TAB2: variants seen among roughly 807,000 people sequenced by gnomAD.
TAB2 encodes the protein TGF-beta activated kinase 1 (MAP3K7) binding protein 2.
A neutral mutation model predicts 65.0 loss-of-function variants in TAB2; 3 were observed. That is an observed-to-expected ratio of 0.05 (90% CI 0.02 to 0.12). TAB2 has a LOEUF of 0.12. Among genes scored for constraint, TAB2 ranks in the 10% least tolerant of loss-of-function variants. TAB2 has a pLI of 1.00. For synonymous variants in TAB2, 298 were observed against 285.1 expected, an observed-to-expected ratio of 1.05 and a Z score of -0.46; for missense variants, 623 against 840.3, an observed-to-expected ratio of 0.74 and a Z score of 3.20.
chr6:149,378,306 G>C lies in TAB2; in HGVS notation c.391G>C (p.Ala131Pro). ...TCAGCAGGAGCCACAGACAGCACCA[G>C]CTCAAGTTCCTCAAGGCTTTAATGT... ...LFQQEPQTAP[A>P]QVPQGFNVFG... The change falls in exon 3 of 7, where the codon GCT (alanine) becomes CCT (proline). Residue 131 changes from alanine (A) to proline (P), a missense_variant. Transcript: ENST00000637181. 1.2e-6 allele frequency: 2 copies of C among 1,614,214 alleles called. No homozygotes were observed. Among genetic ancestry groups the C allele is most frequent in the Non-Finnish European group, 1.7e-6 (2 of 1,180,040 alleles).
chr6:149,379,635 A>G, intron 3 of TAB2, 117 bp downstream of exon 3: 2 of 930,988 alleles, frequency 2.1e-6, no homozygotes, highest in East Asian at 2.5e-5. Context: ...TATTGCCCCA[A>G]ATGATGTTAT....
At chr6:149,253,529 A>C (rs1326901158) in intron 1 of TAB2, among the ~76,000 whole-genome samples, 9 of 151,434 alleles carry the variant, frequency 5.9e-5, no homozygotes, top group Non-Finnish European at 1.3e-4. Flanking sequence ...TACTCGTAGA[A>C]GAATCACTTG....
intron 3 of TAB2, among the ~76,000 whole-genome samples, chr6:149,393,291 T>C (rs1782056137): frequency 6.6e-6 from 1 of 152,222 alleles, no homozygotes; most frequent in Non-Finnish European, 1.5e-5. Flanking sequence ...AAATAAGTTG[T>C]AAGTAATTGT....
rs1334647773 is a variant in TAB2, at chr6:149,298,499, A to T, written c.-120-79519A>T. On this transcript the variant is annotated intron_variant, in intron 1 of 1. Coordinates refer to the TAB2 transcript ENST00000606202. ...AAAACTTAACCAGGCGTGGTAGTGCACACCTGCAGCCCTAGCTACCCCGGA... is the reference window on the plus strand; with the variant it reads ...AAAACTTAACCAGGCGTGGTAGTGCTCACCTGCAGCCCTAGCTACCCCGGA... 2.0e-5 allele frequency among the ~76,000 whole-genome samples: 3 copies of T among 152,066 alleles called. No homozygotes were observed. The East Asian group carries it at 5.8e-4, about 29-fold the overall frequency.
At chr6:149,247,929 G>A (rs1428820573) in intron 1 of TAB2, 1 of 152,160 alleles carries the variant, frequency 6.6e-6, no homozygotes, top group East Asian at 1.9e-4. Context: ...GGCAGCGGGT[G>A]GGAGAACATT....
At chr6:149,270,881 G>T (rs1240460855) in intron 1 of TAB2, among the ~76,000 whole-genome samples, 2 of 152,144 alleles carry the variant, frequency 1.3e-5, no homozygotes, top group African/African-American at 2.4e-5. Context: ...AGGAGGTACT[G>T]TCTTGAAGGA....
intron 1 of TAB2, among the ~76,000 whole-genome samples, chr6:149,279,428 G>A (rs923006976): frequency 2.0e-5 from 3 of 151,918 alleles, no homozygotes; most frequent in Non-Finnish European, 2.9e-5. Flanking sequence ...TTCCTCTCCC[G>A]TGACTTTAAA....
intron 1 of TAB2, among the ~76,000 whole-genome samples, chr6:149,350,484 A>T (rs533159341): frequency 6.6e-6 from 1 of 152,278 alleles, no homozygotes; most frequent in South Asian, 2.1e-4. Flanking sequence ...CTTTTAGCGT[A>T]TGTTGAAATG....
intron 2 of TAB2, among the ~76,000 whole-genome samples, chr6:149,377,476 A>G (rs1781443394): frequency 1.3e-5 from 2 of 152,068 alleles, no homozygotes; most frequent in Non-Finnish European, 1.5e-5. Context: ...ACACAAGTTA[A>G]GAGGAAGCGT....
At chr6:149,362,710 G>T (rs1199036041) in intron 1 of TAB2, among the ~76,000 whole-genome samples, 1 of 152,172 alleles carries the variant, frequency 6.6e-6, no homozygotes, top group African/African-American at 2.4e-5. Context: ...CTGGCTTGGT[G>T]TACTGGGGAG....
At chr6:149,284,179 A>G (rs1473614634) in intron 1 of TAB2, among the ~76,000 whole-genome samples, 1 of 151,976 alleles carries the variant, frequency 6.6e-6, no homozygotes, top group African/African-American at 2.4e-5. Context: ...GTTTCTCACC[A>G]CTCTCTGCAT....
chr6:149,387,776 A>T (rs1781852370), intron 3 of TAB2, among the ~76,000 whole-genome samples: 5 of 151,948 alleles, frequency 3.3e-5, no homozygotes, highest in Admixed American at 2.0e-4. Flanking sequence ...CAAACAGTTC[A>T]TTTTGTATTC....
At chr6:149,274,713 A>G (rs1458772988) in intron 1 of TAB2, among the ~76,000 whole-genome samples, 3 of 152,210 alleles carry the variant, frequency 2.0e-5, no homozygotes, top group African/African-American at 7.2e-5. Context: ...GTTCCAGACA[A>G]AGTGAGGACC....
At chr6:149,246,290 G>A (rs527796452) in intron 1 of TAB2, 2 of 152,306 alleles carry the variant, frequency 1.3e-5, no homozygotes, top group African/African-American at 2.4e-5. Context: ...GCTCCTAAAA[G>A]CAAATGGTCT....
At chr6:149,228,313 A>T (rs1423063558) in intron 1 of TAB2, among the ~76,000 whole-genome samples, 1 of 152,162 alleles carries the variant, frequency 6.6e-6, no homozygotes, top group Non-Finnish European at 1.5e-5. Context: ...TTCTGGCCCC[A>T]CGTGTTGAAA....
At chr6:149,320,264 A>G (rs1427531303) in intron 1 of TAB2, among the ~76,000 whole-genome samples, 1 of 152,074 alleles carries the variant, frequency 6.6e-6, no homozygotes, top group Non-Finnish European at 1.5e-5. Context: ...TTTAGTAGAG[A>G]TGGAGTTTCA....
intron 1 of TAB2, among the ~76,000 whole-genome samples, chr6:149,257,218 A>G (rs1778055851): frequency 3.3e-5 from 5 of 152,330 alleles, no homozygotes; most frequent in South Asian, 4.1e-4. Context: ...GAAAGTAAAA[A>G]GTTCAATAAA....
intron 1 of TAB2, among the ~76,000 whole-genome samples, chr6:149,225,600 C>T (rs1334805789): frequency 6.6e-6 from 1 of 152,118 alleles, no homozygotes; most frequent in African/African-American, 2.4e-5. Context: ...GCTTCCCTCC[C>T]TCTTGTGGAT....
chr6:149,329,079 T>C (rs2114747931), intron 1 of TAB2, among the ~76,000 whole-genome samples: 1 of 151,988 alleles, frequency 6.6e-6, no homozygotes, highest in Middle Eastern at 3.4e-3. Flanking sequence ...AGGTGGAAAA[T>C]TAGAAAAAAG....
Sources: gnomAD v4.1 joint callset for allele counts (sites outside exome capture counted in the v4.1 genomes callset) on GRCh38, gnomAD v4.1.1 for gene constraint, MANE v1.5 for transcripts, NCBI Gene and HGNC (gene_info 2026-07-23, HGNC 2026-07-21) for gene names.